The following USO1 variants were observed in gnomAD, a reference collection of about 807,000 sequenced individuals.
USO1 encodes general vesicular transport factor p115.
In USO1, 57 loss-of-function variants were observed where a neutral mutation model predicts 124.5. The observed-to-expected ratio is 0.46, with a 90% CI of 0.37 to 0.57. USO1 has a LOEUF of 0.57. Among genes scored for constraint, USO1 ranks in the 20% least tolerant of loss-of-function variants. USO1 has a pLI of 0.00. For missense variants in USO1, 900 were observed against 1,040.6 expected (o/e 0.86, Z 1.86); for synonymous variants, 369 against 362.8 (o/e 1.02, Z -0.19).
In USO1 at chr4:75,790,164, A is replaced by G. The variant is rs1577963908; in HGVS notation, c.1011A>G (p.Val337=). Residue 337 remains valine (V), a synonymous_variant, in exon 11 of 24, where the codon GTA becomes GTG. Coordinates refer to ENST00000514213, the MANE Select transcript of USO1 (RefSeq NM_003715.4). ...CCCCTTAACAGACCATAAATACTGT[A>G]TCAGAAGTTATTCGAGGCTGCCAAG... ...ADILTETINT[V]SEVIRGCQVN... is the part of the protein sequence containing the mutation. 1 of 1,602,530 alleles carries G rather than the reference A, an allele frequency of 6.2e-7. No individual in the cohort carries two copies. The highest frequency in any genetic ancestry group is 8.5e-7 in the Non-Finnish European group (1 of 1,174,324).
At chr4:75,725,000 TG>T in intron 1 of USO1, 115 bp downstream of exon 1, 2 of 1,087,664 alleles carry the variant, frequency 1.8e-6, no homozygotes, top group Non-Finnish European at 2.7e-6. Flanking sequence ...GGCATCCACA[TG>T]CCGCCTCCCC....
chr4:75,791,321 C>A (rs1286544917), intron 12 of USO1, among the ~76,000 whole-genome samples: 6 of 152,090 alleles, frequency 3.9e-5, no homozygotes, highest in Non-Finnish European at 7.4e-5. Flanking sequence ...ACCAGGAGTT[C>A]GAGACCAGCC....
chr4:75,782,782 A>T lies in USO1; in HGVS notation c.779A>T (p.Lys260Ile), dbSNP rs1164586655. The T allele has an allele frequency of 6.2e-7, 1 of 1,601,466 alleles. No individual in the cohort carries two copies. Among genetic ancestry groups the T allele is most frequent in the African/African-American group, 1.3e-5 (1 of 74,234 alleles). ...GAAGGCTCATATATTCAACGTATGA[A>T]ACCTTGGTTTGAAGTTGGAGATGAA... ...FKEGSYIQRM[K>I]PWFEVGDENS... The change falls in exon 9 of 24, where the codon AAA becomes ATA. Residue 260 changes from lysine to isoleucine, a missense_variant. By Grantham distance (102) the Lys-to-Ile change is moderately radical. Around this residue, in one of 2 missense-constraint regions of USO1, gnomAD observed 538 missense variants for 681.6 expected, o/e 0.79. Coordinates refer to ENST00000514213, the MANE Select transcript of USO1 (RefSeq NM_003715.4).
intron 13 of USO1, among the ~76,000 whole-genome samples, chr4:75,795,943 T>C (rs960896352): frequency 6.6e-6 from 1 of 152,026 alleles, no homozygotes; most frequent in Admixed American, 6.6e-5. Context: ...TGTTTTGTTT[T>C]GTTTTGTGTG....
chr4:75,755,128 TAG>T (rs929629439), intron 3 of USO1, among the ~76,000 whole-genome samples: 7 of 152,216 alleles, frequency 4.6e-5, no homozygotes, highest in Non-Finnish European at 8.8e-5. Context: ...CAAACTATCC[TAG>T]AGAGAGAAAA....
intron 4 of USO1, among the ~76,000 whole-genome samples, chr4:75,768,792 TCTTGTGA>T (rs1193969319): frequency 1.3e-5 from 2 of 152,222 alleles, no homozygotes; most frequent in African/African-American, 4.8e-5. Context: ...TGTCATCCAG[TCTTGTGA>T]CTTTAAATAT....
intron 2 of USO1, 22 bp from the exon 3 acceptor site, chr4:75,752,518 C>T (rs1253132907): frequency 2.5e-6 from 1 of 398,222 alleles, no homozygotes; most frequent in East Asian, 3.6e-5. Context: ...ACTTTAGTAA[C>T]ATTTTTATTT....
chr4:75,765,273 ATTCC>A (rs1243099031), intron 4 of USO1, among the ~76,000 whole-genome samples: 5 of 152,150 alleles, frequency 3.3e-5, no homozygotes, highest in Non-Finnish European at 7.4e-5. Context: ...TTTGACATGC[ATTCC>A]CAATGGGCCC....
intron 4 of USO1, among the ~76,000 whole-genome samples, chr4:75,760,105 AG>A (rs1721561417): frequency 2.0e-5 from 3 of 151,224 alleles, no homozygotes; most frequent in African/African-American, 7.3e-5. Context: ...CCAGCTACTC[AG>A]GAGGCTGAGG....
intron 10 of USO1, among the ~76,000 whole-genome samples, chr4:75,789,808 T>C (rs1722475730): frequency 6.6e-6 from 1 of 152,060 alleles, no homozygotes; most frequent in Admixed American, 6.5e-5. Flanking sequence ...TTTTATCTCA[T>C]AGAGAATAGT....
intron 12 of USO1, among the ~76,000 whole-genome samples, chr4:75,791,420 A>G (rs1722530008): frequency 6.6e-6 from 1 of 152,170 alleles, no homozygotes; most frequent in African/African-American, 2.4e-5. Flanking sequence ...GCTACTCAGG[A>G]GGCTGAGGCA....
chr4:75,761,070 C>T (rs1721592423), intron 4 of USO1, among the ~76,000 whole-genome samples: 1 of 152,000 alleles, frequency 6.6e-6, no homozygotes, highest in Admixed American at 6.6e-5. Flanking sequence ...TTGCTTGAAC[C>T]CAGGAGACAG....
intron 8 of USO1, among the ~76,000 whole-genome samples, chr4:75,781,077 T>TA (rs1722208867): frequency 6.6e-6 from 1 of 152,138 alleles, no homozygotes; most frequent in Non-Finnish European, 1.5e-5. Flanking sequence ...CCATTCTAGA[T>TA]ACCATTAAGA....
Position 75,774,730 on chromosome 4 carries a change from G to A in USO1, c.610G>A (p.Val204Ile), listed in dbSNP as rs774841527. Reference protein sequence around the residue: ...TRSNGAIQKIVAFENAFERLL... With the variant: ...TRSNGAIQKIIAFENAFERLL... ...AAGCAATGGTGCAATCCAGAAAATT[G>A]TTGCTTTTGAAAATGCTTTCGAGAG... The change falls in exon 8 of 24, where the codon GTT (valine) becomes ATT (isoleucine). Residue 204 changes from valine (V) to isoleucine (I), a missense_variant. Coordinates refer to ENST00000514213, the MANE Select transcript of USO1 (RefSeq NM_003715.4). 1 of 1,613,688 alleles carries A rather than the reference G, an allele frequency of 6.2e-7. No individual in the cohort carries two copies. Among genetic ancestry groups the A allele is most frequent in the South Asian group, 1.1e-5 (1 of 91,056 alleles).
chr4:75,770,215 A>G (rs1374905564), intron 4 of USO1: 3 of 302,048 alleles, frequency 9.9e-6, no homozygotes, highest in Non-Finnish European at 1.8e-5. Context: ...CTTTTTTTAG[A>G]TATCATATTT....
At chr4:75,810,262 A>G (rs1299518512) in intron 21 of USO1, among the ~76,000 whole-genome samples, 170 bp from the exon 22 acceptor site, 1 of 152,238 alleles carries the variant, frequency 6.6e-6, no homozygotes, top group African/African-American at 2.4e-5. Flanking sequence ...ATGTGGGAAC[A>G]GCTCATCTGA....
At position 75,748,914 on chromosome 4, in the gene USO1, AAGAGAT is replaced by A. The variant is rs537613762; in HGVS notation, c.67-3457_67-3452del. Among the ~76,000 whole-genome samples, 40 of 152,052 alleles carry A rather than the reference AAGAGAT, an allele frequency of 2.6e-4. 1 individual carries two copies. The South Asian group carries it at 7.3e-3, about 28-fold the overall frequency. ...TGAGAGTAATGAGGTTCATGTTTTT[AAGAGAT>A]AACTAAGTAGTTTTTCTAAGTAGTA... is the stretch of plus-strand genomic sequence containing the variant. On this transcript the variant is annotated intron_variant, in intron 1 of 23. Transcript: ENST00000514213.
chr4:75,771,744 C>A (rs1171737871), intron 7 of USO1, among the ~76,000 whole-genome samples: 1 of 152,130 alleles, frequency 6.6e-6, no homozygotes, highest in Non-Finnish European at 1.5e-5. Flanking sequence ...ATTTTCCATT[C>A]CGATTTATTT....
At chr4:75,773,936 T>G (rs1335041786) in intron 7 of USO1, among the ~76,000 whole-genome samples, 1 of 152,198 alleles carries the variant, frequency 6.6e-6, no homozygotes, top group Non-Finnish European at 1.5e-5. Context: ...AAATATTTGT[T>G]GTCTCTTTTA....
Sources: allele counts gnomAD v4.1 joint callset (sites outside exome capture counted in the v4.1 genomes callset), GRCh38; gene constraint gnomAD v4.1.1; regional missense constraint gnomAD v4.1.1; transcripts MANE v1.5; gene names NCBI Gene and HGNC (gene_info 2026-07-23, HGNC 2026-07-21).